The following SNTB1 variants were observed in gnomAD, a reference collection of about 807,000 sequenced individuals.
SNTB1 encodes the protein syntrophin beta 1.
A neutral mutation model predicts 48.9 loss-of-function variants in SNTB1; 36 were observed. The ratio of observed to expected loss-of-function variants is 0.74; its 90% confidence interval spans 0.56 to 0.97. The LOEUF (loss-of-function observed/expected upper bound fraction) is 0.97. Ranked by LOEUF, SNTB1 falls within the 50% of genes least tolerant of loss-of-function variation. SNTB1 has a pLI of 0.00. For missense variants in SNTB1, 786 were observed against 703.4 expected (o/e 1.12, Z -1.33); for synonymous variants, 299 against 294.6 (o/e 1.01, Z -0.15).
At chr8:120,662,927 G>A (rs2129755260) in intron 2 of SNTB1, among the ~76,000 whole-genome samples, 1 of 150,374 alleles carries the variant, frequency 6.7e-6, no homozygotes, top group African/African-American at 2.4e-5. Flanking sequence ...CAGCCTGCTA[G>A]GTACTGGAGA....
At chr8:120,592,620 C>T (rs1159216575) in intron 3 of SNTB1, among the ~76,000 whole-genome samples, 2 of 152,116 alleles carry the variant, frequency 1.3e-5, no homozygotes, top group Non-Finnish European at 2.9e-5. Flanking sequence ...GAGCTAGGCA[C>T]TTTGTGACAA....
intron 1 of SNTB1, among the ~76,000 whole-genome samples, chr8:120,736,265 A>C (rs1281793096): frequency 6.6e-6 from 1 of 152,122 alleles, no homozygotes; most frequent in Non-Finnish European, 1.5e-5. Flanking sequence ...ACCATTCAAG[A>C]TGCGATTTGG....
intron 5 of SNTB1, among the ~76,000 whole-genome samples, chr8:120,544,216 T>C (rs964702657): frequency 5.3e-5 from 8 of 152,342 alleles, no homozygotes; most frequent in Admixed American, 3.3e-4. Context: ...CTGAATTAAC[T>C]GATTGTGATT....
intron 3 of SNTB1, among the ~76,000 whole-genome samples, chr8:120,621,141 G>A (rs1035498347): frequency 6.6e-6 from 1 of 151,730 alleles, no homozygotes; most frequent in African/African-American, 2.4e-5. Context: ...TGTATTTTCA[G>A]TAGAGACGAG....
chr8:120,666,312 T>C (rs1454346867), intron 2 of SNTB1, among the ~76,000 whole-genome samples: 1 of 152,262 alleles, frequency 6.6e-6, no homozygotes, highest in Non-Finnish European at 1.5e-5. Flanking sequence ...TAAGTCTTCA[T>C]TTCACCTTAA....
chr8:120,720,080 T>C (rs1345764453), intron 1 of SNTB1, among the ~76,000 whole-genome samples: 1 of 152,202 alleles, frequency 6.6e-6, no homozygotes, highest in Non-Finnish European at 1.5e-5. Flanking sequence ...AGTAAATACA[T>C]GGGTTAGGGC....
At chr8:120,805,820 T>G (rs1820325767) in intron 1 of SNTB1, among the ~76,000 whole-genome samples, 1 of 152,336 alleles carries the variant, frequency 6.6e-6, no homozygotes, top group Non-Finnish European at 1.5e-5. Flanking sequence ...GGGATAAGCA[T>G]CCCTTATCTA....
chr8:120,667,005 T>A (rs1817682418), intron 2 of SNTB1, among the ~76,000 whole-genome samples: 2 of 152,160 alleles, frequency 1.3e-5, no homozygotes, highest in Non-Finnish European at 2.9e-5. Context: ...TCCATGTCAG[T>A]TCTGGGTCAG....
intron 1 of SNTB1, among the ~76,000 whole-genome samples, chr8:120,746,000 G>A (rs1223388358): frequency 6.6e-6 from 1 of 152,180 alleles, no homozygotes; most frequent in Non-Finnish European, 1.5e-5. Flanking sequence ...ATCCACCTGT[G>A]TTTGTAAATA....
At chr8:120,577,726 C>T (rs1257986677) in intron 3 of SNTB1, among the ~76,000 whole-genome samples, 1 of 152,154 alleles carries the variant, frequency 6.6e-6, no homozygotes, top group African/African-American at 2.4e-5. Flanking sequence ...GAAAATAAGA[C>T]TCAACAGTAA....
At position 120,581,979 on chromosome 8, in the gene SNTB1, G is replaced by T. The variant is rs547575747; in HGVS notation, c.997-6754C>A. ...GAACCCGGGAGGTGGAAGTTGCAGT[G>T]AGTCAAGACCATGCCATTGCACTCC... On this transcript the variant is annotated intron_variant, in intron 3 of 6. Coordinates refer to ENST00000517992, the MANE Select transcript of SNTB1 (RefSeq NM_021021.4). Among the ~76,000 whole-genome samples the T allele has an allele frequency of 2.0e-5, 3 of 152,170 alleles. No individual in the cohort carries two copies. In the South Asian group the frequency reaches 6.2e-4, roughly 32 times the overall value.
intron 1 of SNTB1, chr8:120,769,564 A>G (rs1819583716): frequency 6.6e-6 from 1 of 152,214 alleles, no homozygotes; most frequent in Admixed American, 6.6e-5. Context: ...GCCAGCAGCT[A>G]TGTAAGAAGT....
intron 4 of SNTB1, among the ~76,000 whole-genome samples, chr8:120,572,761 A>G (rs1035701791): frequency 6.6e-6 from 1 of 151,492 alleles, no homozygotes; most frequent in African/African-American, 2.4e-5. Flanking sequence ...ACAAACAAAC[A>G]AAAATTAGCC....
chr8:120,631,721 T>C (rs1187603155), intron 3 of SNTB1, among the ~76,000 whole-genome samples: 2 of 152,104 alleles, frequency 1.3e-5, no homozygotes, highest in African/African-American at 4.8e-5. Flanking sequence ...AGAGTGAGTT[T>C]TACTATCTTT....
intron 2 of SNTB1, among the ~76,000 whole-genome samples, chr8:120,665,639 C>A (rs1817662771): frequency 1.3e-5 from 2 of 151,966 alleles, no homozygotes; most frequent in South Asian, 4.1e-4. Context: ...TTATCTAGAA[C>A]CTTTTCCAAA....
intron 1 of SNTB1, among the ~76,000 whole-genome samples, chr8:120,746,357 T>C (rs1819125991): frequency 6.6e-6 from 1 of 152,080 alleles, no homozygotes; most frequent in Non-Finnish European, 1.5e-5. Flanking sequence ...ATATATAACA[T>C]ACATAATATA....
chr8:120,663,587 A>G (rs905489660), intron 2 of SNTB1, among the ~76,000 whole-genome samples: 4 of 152,138 alleles, frequency 2.6e-5, no homozygotes, highest in African/African-American at 4.8e-5. Context: ...GATTACAGGC[A>G]TGAGCCACTG....
chr8:120,787,396 C>A (rs972786813), intron 1 of SNTB1, among the ~76,000 whole-genome samples: 5 of 151,624 alleles, frequency 3.3e-5, no homozygotes, highest in Non-Finnish European at 1.5e-5. Flanking sequence ...TTTGAAATAA[C>A]CAGATAAAAA....
intron 5 of SNTB1, among the ~76,000 whole-genome samples, chr8:120,542,584 G>C (rs1050519475): frequency 6.6e-6 from 1 of 152,094 alleles, no homozygotes. Flanking sequence ...AACTTGGGAG[G>C]CAGAGGTTGC....
Sources: gnomAD v4.1 joint callset for allele counts (sites outside exome capture counted in the v4.1 genomes callset) on GRCh38, gnomAD v4.1.1 for gene constraint, MANE v1.5 for transcripts, NCBI Gene and HGNC (gene_info 2026-07-23, HGNC 2026-07-21) for gene names.